The following ANO2 variants were observed in gnomAD, a reference collection of about 807,000 sequenced individuals.
The protein encoded by ANO2 is anoctamin-2.
ANO2 carries 101 observed loss-of-function variants against 124.2 expected under a neutral mutation model. That is an observed-to-expected ratio of 0.81 (90% CI 0.69 to 0.96). The LOEUF (loss-of-function observed/expected upper bound fraction) is 0.96. ANO2 is among the 40% of genes least tolerant of loss of function. The pLI is 0.00. For synonymous variants in ANO2, 486 were observed against 482.5 expected, an observed-to-expected ratio of 1.01 and a Z score of -0.09; for missense variants, 1,293 against 1,274.5, an observed-to-expected ratio of 1.01 and a Z score of -0.22.
chr12:5,631,715 G>A (rs1423355029), intron 16 of ANO2, among the ~76,000 whole-genome samples: 1 of 152,160 alleles, frequency 6.6e-6, no homozygotes, highest in African/African-American at 2.4e-5. Flanking sequence ...AGGTCGTTTT[G>A]GCAGTCACAG....
intron 1 of ANO2, among the ~76,000 whole-genome samples, chr12:5,939,493 G>T (rs11063943): frequency 0.073 from 11,106 of 152,236 alleles, 543 homozygotes; most frequent in Middle Eastern, 0.12. Context: ...GTGGTATGCA[G>T]AAGTGTGAGG....
At chr12:5,712,545 C>T (rs1004921885) in intron 14 of ANO2, among the ~76,000 whole-genome samples, 1 of 152,172 alleles carries the variant, frequency 6.6e-6, no homozygotes, top group Admixed American at 6.5e-5. Context: ...TCAGAGGGAA[C>T]GTGGGCCTGA....
chr12:5,727,810 TC>T (rs1950500192), intron 14 of ANO2, among the ~76,000 whole-genome samples: 1 of 150,576 alleles, frequency 6.6e-6, no homozygotes, highest in South Asian at 2.1e-4. Context: ...GCTACTTTTT[TC>T]TTTTTTTTTT....
intron 3 of ANO2, among the ~76,000 whole-genome samples, chr12:5,861,012 C>T (rs1278158149): frequency 6.6e-6 from 1 of 152,162 alleles, no homozygotes; most frequent in Non-Finnish European, 1.5e-5. Context: ...ACACCCCATG[C>T]TGACAGTTCA....
At chr12:5,727,205 T>G (rs1267613066) in intron 14 of ANO2, among the ~76,000 whole-genome samples, 2 of 151,862 alleles carry the variant, frequency 1.3e-5, no homozygotes, top group African/African-American at 4.8e-5. Context: ...CAAAAGTGAG[T>G]GAGTTCCTGT....
chr12:5,865,670 C>T (rs1442368019), intron 3 of ANO2, among the ~76,000 whole-genome samples: 1 of 151,580 alleles, frequency 6.6e-6, no homozygotes, highest in Non-Finnish European at 1.5e-5. Flanking sequence ...CGCTATCGTG[C>T]ATTCACACTA....
chr12:5,944,796 C>G (rs1291882382), intron 1 of ANO2, among the ~76,000 whole-genome samples: 1 of 152,050 alleles, frequency 6.6e-6, no homozygotes, highest in Non-Finnish European at 1.5e-5. Context: ...CTGAGTTAAA[C>G]CCAGTCCGGC....
chr12:5,721,507 T>TG (rs1309905861), intron 14 of ANO2, among the ~76,000 whole-genome samples: 2 of 141,930 alleles, frequency 1.4e-5, no homozygotes, highest in African/African-American at 2.6e-5. Flanking sequence ...GGGTTTTTTT[T>TG]TTTTGTTTTT....
chr12:5,599,720 G>C, intron 19 of ANO2, 91 bp from the exon 20 acceptor site: 1 of 1,398,086 alleles, frequency 7.2e-7, no homozygotes, highest in Non-Finnish European at 9.8e-7. Context: ...CAAAAGTTTT[G>C]ACACTAAAGC....
intron 11 of ANO2, 116 bp from the exon 12 acceptor site, chr12:5,744,433 A>G (rs1951206082): frequency 2.7e-6 from 3 of 1,108,460 alleles, no homozygotes; most frequent in Non-Finnish European, 3.9e-6. Context: ...TTTCAACTCC[A>G]TAAGTAAGGA....
Position 5,599,528 on chromosome 12 carries a change from C to T in ANO2, c.2189G>A (p.Ser730Asn), listed in dbSNP as rs374448837. The T allele has an allele frequency of 3.7e-6, 6 of 1,613,646 alleles. No homozygotes were observed. In the African/African-American group the frequency reaches 8.0e-5, roughly 22 times the overall value. ...AGTCAGTCCTGTGTATGGTTCCAAG[C>T]TGTAGTCTAGGTCCCACTGCTCTGG... ...KHPEQWDLDY[S>N]LEPYTGLTPE... is the part of the protein sequence containing the mutation. The change falls in exon 20 of 25, where the codon AGC becomes AAC. Residue 730 changes from serine to asparagine, a missense_variant. Coordinates refer to ENST00000682330, the MANE Select transcript of ANO2 (RefSeq NM_001364791.2).
At chr12:5,930,910 T>C (rs530066546) in intron 1 of ANO2, among the ~76,000 whole-genome samples, 10 of 152,236 alleles carry the variant, frequency 6.6e-5, no homozygotes, top group Non-Finnish European at 7.4e-5. Flanking sequence ...GCTCTGCTTG[T>C]CTTATAGCCT....
At chr12:5,619,224 T>G (rs546887774) in intron 16 of ANO2, among the ~76,000 whole-genome samples, 1 of 152,292 alleles carries the variant, frequency 6.6e-6, no homozygotes, top group Non-Finnish European at 1.5e-5. Flanking sequence ...TCAATGGGAT[T>G]GAGAACTGTA....
intron 14 of ANO2, among the ~76,000 whole-genome samples, chr12:5,688,135 A>C (rs1948779719): frequency 6.6e-6 from 1 of 152,192 alleles, no homozygotes; most frequent in South Asian, 2.1e-4. Context: ...GAATAAAATG[A>C]AACCTAGAAA....
intron 16 of ANO2, among the ~76,000 whole-genome samples, chr12:5,631,832 G>A (rs12372107): frequency 0.23 from 35,649 of 152,012 alleles, 5,210 homozygotes; most frequent in Admixed American, 0.34. Context: ...GTAGCTGAGA[G>A]CTTGAAATGC....
At chr12:5,849,945 T>C (rs1363726834) in intron 4 of ANO2, among the ~76,000 whole-genome samples, 1 of 152,196 alleles carries the variant, frequency 6.6e-6, no homozygotes. Context: ...CCATTTTCCA[T>C]GCTCCTCTCT....
intron 23 of ANO2, among the ~76,000 whole-genome samples, chr12:5,567,918 A>T (rs1465186225): frequency 6.6e-6 from 1 of 152,270 alleles, no homozygotes; most frequent in Non-Finnish European, 1.5e-5. Context: ...GCCATGCCAC[A>T]GAAAAGAACA....
intron 10 of ANO2, among the ~76,000 whole-genome samples, chr12:5,794,895 G>A (rs1160220975): frequency 6.6e-6 from 1 of 152,236 alleles, no homozygotes; most frequent in Admixed American, 6.5e-5. Context: ...ATCACAGATT[G>A]ATCAACGTTT....
At chr12:5,770,685 C>T (rs10459134) in intron 10 of ANO2, among the ~76,000 whole-genome samples, 26,326 of 152,124 alleles carry the variant, frequency 0.17, 2,480 homozygotes, top group Admixed American at 0.27. Flanking sequence ...AATCTTTTCA[C>T]TACACTTCTG....
Sources: allele counts gnomAD v4.1 joint callset (sites outside exome capture counted in the v4.1 genomes callset), GRCh38; gene constraint gnomAD v4.1.1; transcripts MANE v1.5; gene names NCBI Gene and HGNC (gene_info 2026-07-23, HGNC 2026-07-21).